The following TCERG1 variants were observed in gnomAD, a reference collection of about 807,000 sequenced individuals.
The protein encoded by TCERG1 is transcription elongation regulator 1.
A neutral mutation model predicts 144.7 loss-of-function variants in TCERG1; 37 were observed. The observed-to-expected ratio is 0.26, with a 90% CI of 0.20 to 0.34. TCERG1 has a LOEUF of 0.34. Among genes scored for constraint, TCERG1 ranks in the 10% least tolerant of loss-of-function variants. The pLI, the probability that TCERG1 is intolerant of heterozygous loss-of-function variation, is 1.00. For missense variants in TCERG1, 1,027 were observed against 1,380.7 expected, an observed-to-expected ratio of 0.74 and a Z score of 4.06; for synonymous variants, 492 against 458.2, an observed-to-expected ratio of 1.07 and a Z score of -0.94.
intron 3 of TCERG1, 22 bp from the exon 4 acceptor site, chr5:146,458,862 T>C (rs772332936): frequency 8.2e-6 from 13 of 1,580,062 alleles, no homozygotes; most frequent in South Asian, 1.2e-5. Flanking sequence ...TATGATACCA[T>C]TGATTTTTGC....
chr5:146,469,866 G>A (rs1481503412), intron 7 of TCERG1, 122 bp downstream of exon 7: 4 of 637,908 alleles, frequency 6.3e-6, no homozygotes, highest in Non-Finnish European at 9.7e-6. Context: ...CACAGTCATT[G>A]GATTGTTTAT....
chr5:146,465,647 A>C (rs1763708595), intron 5 of TCERG1, among the ~76,000 whole-genome samples: 1 of 152,220 alleles, frequency 6.6e-6, no homozygotes, highest in Non-Finnish European at 1.5e-5. Flanking sequence ...TTCAATAAAC[A>C]GTAGCCATTA....
Position 146,507,792 on chromosome 5 carries a change from A to G in TCERG1, c.2962-81A>G. 1.1e-6 allele frequency: 1 copy of G among 902,538 alleles called. No homozygotes were observed. Among genetic ancestry groups the G allele is most frequent in the South Asian group, 1.7e-5 (1 of 59,530 alleles). The allele number at this position is 902,538 out of a possible 1,614,324, so 55.9% of individuals were successfully genotyped here. A position where few individuals can be genotyped will look rare whatever the true frequency, so the allele number is the denominator to read the frequency against. ...AAGAGATCGCAGGTCAGTGTGTAAT[A>G]TTATGTACCTATGTGCTGCAGTTTG... On this transcript the variant is annotated intron_variant, in intron 20 of 22. Coordinates refer to ENST00000679501, the MANE Select transcript of TCERG1 (RefSeq NM_001382548.1). This position sits in a 1 kb window ranked among gnomAD's most constrained non-coding sequence, Gnocchi z 4.6.
At chr5:146,487,482 C>A (rs1171469226) in intron 15 of TCERG1, among the ~76,000 whole-genome samples, 1 of 152,132 alleles carries the variant, frequency 6.6e-6, no homozygotes, top group African/African-American at 2.4e-5. Context: ...CAAGGTGGCT[C>A]ACGCCTGTAA....
At chr5:146,493,133 T>C in intron 16 of TCERG1, 95 bp downstream of exon 16, 1 of 930,654 alleles carries the variant, frequency 1.1e-6, no homozygotes, top group Non-Finnish European at 1.6e-6. Flanking sequence ...TTTGACTATT[T>C]GGGCACTAAA....
intron 21 of TCERG1, 51 bp downstream of exon 21, chr5:146,508,007 C>A: frequency 2.2e-6 from 3 of 1,347,496 alleles, no homozygotes; most frequent in South Asian, 1.3e-5. Flanking sequence ...ATACTTAAAT[C>A]GGGGCCTAAC....
rs199852950 is a variant in TCERG1, at chr5:146,459,326, A to C, written c.881A>C (p.Gln294Pro). The C allele has an allele frequency of 1.2e-6, 2 of 1,614,064 alleles. No individual in the cohort carries two copies. Among genetic ancestry groups the C allele is most frequent in the Non-Finnish European group, 1.7e-6 (2 of 1,179,938 alleles). The part of the protein sequence containing the change: ...STTTTATSVA[Q>P]TVSTPTTQDQ... Reference sequence around the variant, plus strand: ...ACAACAACTGCTACTTCAGTTGCGCAGACAGTATCAAGTGAGTACCACTCA... The same window carrying C: ...ACAACAACTGCTACTTCAGTTGCGCCGACAGTATCAAGTGAGTACCACTCA... Residue 294 changes from glutamine to proline, a missense_variant, in exon 4 of 23, where the codon CAG becomes CCG. This residue lies in a region of TCERG1 where 187 missense variants were observed against 169.1 expected (regional missense o/e 1.11). Transcript: ENST00000679501.
intron 9 of TCERG1, among the ~76,000 whole-genome samples, chr5:146,476,679 C>G (rs1764869566): frequency 6.6e-6 from 1 of 152,244 alleles, no homozygotes; most frequent in South Asian, 2.1e-4. Flanking sequence ...TAGTAACCAA[C>G]TCCAAACCCC....
chr5:146,462,519 G>T (rs1763424259), intron 4 of TCERG1, among the ~76,000 whole-genome samples: 1 of 152,114 alleles, frequency 6.6e-6, no homozygotes, highest in South Asian at 2.1e-4. Context: ...CAATTACTAG[G>T]AATGGGATGT....
At chr5:146,460,433 T>TTA (rs397999520) in intron 4 of TCERG1, among the ~76,000 whole-genome samples, 7 of 151,796 alleles carry the variant, frequency 4.6e-5, no homozygotes, top group South Asian at 2.1e-4. Context: ...ATGATTTTTT[T>TTA]ATTTGATTAT....
At position 146,459,132 on chromosome 5, in the gene TCERG1, T is replaced by C. The variant is rs148544834; in HGVS notation, c.687T>C (p.Ala229=). The change falls in exon 4 of 23, where the codon GCT becomes GCC. Residue 229 remains alanine, a synonymous_variant. Coordinates refer to ENST00000679501, the MANE Select transcript of TCERG1 (RefSeq NM_001382548.1). ...CCCAAGCCCAAGCCCAGGCCCAGGCTCAGGCTCAGGCACAAGCTCAGGCCC... is the reference window on the plus strand; with the variant it reads ...CCCAAGCCCAAGCCCAGGCCCAGGCCCAGGCTCAGGCACAAGCTCAGGCCC... ...AQAQAQAQAQ[A]QAQAQAQAQA... is the part of the protein sequence containing the mutation. The C allele has an allele frequency of 1.3e-4, 211 of 1,601,802 alleles. 1 individual carries two copies. The African/African-American group carries it at 1.9e-3, about 15-fold the overall frequency.
chr5:146,484,067 T>A (rs182357143), intron 15 of TCERG1, among the ~76,000 whole-genome samples: 2 of 152,286 alleles, frequency 1.3e-5, no homozygotes, highest in African/African-American at 4.8e-5. Context: ...CTGAACAGCC[T>A]TCTTGACCAT....
At chr5:146,496,076 C>A (rs1581545375) in intron 16 of TCERG1, among the ~76,000 whole-genome samples, 1 of 152,210 alleles carries the variant, frequency 6.6e-6, no homozygotes. Context: ...TTGCTTGAAC[C>A]TGGAGGCGGA....
chr5:146,456,954 A>G (rs551321788), intron 2 of TCERG1, among the ~76,000 whole-genome samples: 3 of 152,352 alleles, frequency 2.0e-5, no homozygotes, highest in African/African-American at 7.2e-5. Flanking sequence ...AGCAGAATTC[A>G]CTGACAGTGT....
At position 146,459,120 on chromosome 5, in the gene TCERG1, CCAGGCCCAGGCT is replaced by C. The variant is rs1220809276; in HGVS notation, c.681_692del (p.Ala239_Gln242del). On this transcript the variant is annotated inframe_deletion, in exon 4 of 23. Transcript: ENST00000679501. Reference sequence around the variant, plus strand: ...CCCAGGCCCAGGCCCAAGCCCAAGCCCAGGCCCAGGCTCAGGCTCAGGCACAAGCTCAGGCCC... The same window carrying C: ...CCCAGGCCCAGGCCCAAGCCCAAGCCCAGGCTCAGGCACAAGCTCAGGCCC... The C allele has an allele frequency of 1.3e-6, 2 of 1,598,898 alleles. No homozygotes were observed. Among genetic ancestry groups the C allele is most frequent in the African/African-American group, 2.7e-5 (2 of 74,220 alleles).
chr5:146,447,436 T>C, intron 1 of TCERG1, 28 bp downstream of exon 1: 6 of 1,604,260 alleles, frequency 3.7e-6, no homozygotes, highest in Non-Finnish European at 5.1e-6. Flanking sequence ...CCTTCACATC[T>C]CTGCTCACGA....
Position 146,510,557 on chromosome 5 carries a change from T to C in TCERG1, c.3263T>C (p.Ile1088Thr). 1 of 1,614,162 alleles carries C rather than the reference T, an allele frequency of 6.2e-7. No individual in the cohort carries two copies. The highest frequency in any genetic ancestry group is 8.5e-7 in the Non-Finnish European group (1 of 1,180,022). The change falls in exon 23 of 23, where the codon ATT becomes ACT. Residue 1088 changes from isoleucine (I) to threonine (T), a missense_variant. Physicochemically the swap from Ile to Thr is moderately conservative, Grantham distance 89. Transcript: ENST00000679501. ...DCVPEERRKL[I>T]VAYVDDLDRR... ...GTGCCAGAGGAGAGGCGTAAACTGA[T>C]TGTGGCATATGTTGATGACCTGGAT...
At chr5:146,499,781 AAC>A (rs1174280682) in intron 17 of TCERG1, 1 of 152,146 alleles carries the variant, frequency 6.6e-6, no homozygotes, top group Non-Finnish European at 1.5e-5. Context: ...TCTTTTTCTA[AAC>A]ACTTTTTTTA....
chr5:146,449,855 A>G (rs1004960275), intron 1 of TCERG1, among the ~76,000 whole-genome samples: 7 of 152,222 alleles, frequency 4.6e-5, no homozygotes, highest in African/African-American at 1.2e-4. Context: ...TTACCTATCA[A>G]TACTTAAGAT....
Sources: allele counts gnomAD v4.1 joint callset (sites outside exome capture counted in the v4.1 genomes callset), GRCh38; gene constraint gnomAD v4.1.1; regional missense constraint gnomAD v4.1.1; non-coding constraint Gnocchi (gnomAD v3.1); transcripts MANE v1.5; gene names NCBI Gene and HGNC (gene_info 2026-07-23, HGNC 2026-07-21).